ATG7: variants seen among roughly 807,000 people sequenced by gnomAD.
The protein encoded by ATG7 is autophagy related 7.
ATG7 carries 70 observed loss-of-function variants against 82.4 expected under a neutral mutation model. The ratio of observed to expected loss-of-function variants is 0.85; its 90% CI spans 0.70 to 1.04. The LOEUF is 1.04. Ranked by LOEUF, ATG7 falls within the 50% of genes least tolerant of loss-of-function variation. The probability of loss-of-function intolerance (pLI) is 0.00; values close to 1 mark genes in which losing one functional copy is unlikely to be tolerated. For synonymous variants in ATG7, 287 were observed against 313.0 expected, an observed-to-expected ratio of 0.92 and a Z score of 0.88; for missense variants, 792 against 864.3, an observed-to-expected ratio of 0.92 and a Z score of 1.05.
At chr3:11,306,426 C>T (rs1439934813) in intron 5 of ATG7, among the ~76,000 whole-genome samples, 2 of 152,110 alleles carry the variant, frequency 1.3e-5, no homozygotes, top group Admixed American at 6.5e-5. Context: ...GATAGCTTTC[C>T]GGAAGAGGAG....
intron 20 of ATG7, among the ~76,000 whole-genome samples, chr3:11,480,729 A>G (rs1574921726): frequency 6.6e-6 from 1 of 152,226 alleles, no homozygotes; most frequent in African/African-American, 2.4e-5. Flanking sequence ...CAGGCTTCTC[A>G]GTGAATTTCC....
chr3:11,429,236 C>T (rs1428521982), intron 20 of ATG7, among the ~76,000 whole-genome samples: 1 of 152,142 alleles, frequency 6.6e-6, no homozygotes, highest in Admixed American at 6.5e-5. Context: ...TGGCTCACAG[C>T]TGTAATCCTA....
At chr3:11,362,001 G>C (rs1020992396) in intron 16 of ATG7, among the ~76,000 whole-genome samples, 1 of 152,130 alleles carries the variant, frequency 6.6e-6, no homozygotes, top group African/African-American at 2.4e-5. Context: ...CCAATATAAA[G>C]AAAAGAAGAT....
At chr3:11,411,083 G>A (rs567068829) in intron 19 of ATG7, among the ~76,000 whole-genome samples, 8 of 152,034 alleles carry the variant, frequency 5.3e-5, no homozygotes, top group Admixed American at 2.6e-4. Context: ...TTTTTTTATC[G>A]TCACATGCTC....
chr3:11,567,124 C>T, the ATG7 span, among the ~76,000 whole-genome samples: 2 of 152,138 alleles, frequency 1.3e-5, no homozygotes, highest in Non-Finnish European at 1.5e-5. Context: ...TGTCATTCTG[C>T]GCCATCTCCA....
At chr3:11,515,729 C>T (rs2092258747) in intron 20 of ATG7, among the ~76,000 whole-genome samples, 1 of 152,164 alleles carries the variant, frequency 6.6e-6, no homozygotes, top group African/African-American at 2.4e-5. Context: ...TCAGTTTTAT[C>T]ACATGTGAAT....
At chr3:11,564,583 T>C in the ATG7 span, among the ~76,000 whole-genome samples, 1 of 151,776 alleles carries the variant, frequency 6.6e-6, no homozygotes, top group Non-Finnish European at 1.5e-5. Flanking sequence ...CGGGCAGGTC[T>C]GGGCAGGAAG....
intron 19 of ATG7, among the ~76,000 whole-genome samples, chr3:11,382,307 G>A (rs1238311454): frequency 1.3e-5 from 2 of 152,098 alleles, no homozygotes; most frequent in African/African-American, 2.4e-5. Context: ...GTGCGAGCAC[G>A]CACGCACGCG....
intron 7 of ATG7, 151 bp from the exon 8 acceptor site, chr3:11,313,153 C>A: frequency 2.1e-6 from 1 of 481,288 alleles, no homozygotes; most frequent in South Asian, 4.1e-5. Context: ...ATCATGAGTT[C>A]TGTTGGGGAT....
chr3:11,433,371 A>G (rs1222272855), intron 20 of ATG7, among the ~76,000 whole-genome samples: 1 of 151,122 alleles, frequency 6.6e-6, no homozygotes, highest in Non-Finnish European at 1.5e-5. Context: ...CACCTTAGCC[A>G]TGTTCCACAA....
chr3:11,276,160 C>T (rs1351789341), intron 1 of ATG7, among the ~76,000 whole-genome samples: 1 of 152,198 alleles, frequency 6.6e-6, no homozygotes. Flanking sequence ...TCTCCTCAAC[C>T]TCCTACCTTG....
intron 9 of ATG7, among the ~76,000 whole-genome samples, chr3:11,318,827 G>A (rs969077936): frequency 3.3e-5 from 5 of 152,112 alleles, no homozygotes; most frequent in African/African-American, 1.2e-4. Flanking sequence ...TCTCCCTTCT[G>A]TCACCTGGCT....
chr3:11,381,232 G>C (rs1310469056), intron 19 of ATG7, among the ~76,000 whole-genome samples: 1 of 152,158 alleles, frequency 6.6e-6, no homozygotes, highest in Non-Finnish European at 1.5e-5. Flanking sequence ...CCTCAAGGAT[G>C]TCTGCATGCA....
chr3:11,320,747 T>C (rs1950109864), intron 9 of ATG7, among the ~76,000 whole-genome samples: 1 of 152,238 alleles, frequency 6.6e-6, no homozygotes, highest in South Asian at 2.1e-4. Context: ...GAAGGATGAA[T>C]TCATGCATAA....
At chr3:11,340,595 G>T in intron 11 of ATG7, 50 bp from the exon 12 acceptor site, 1 of 1,527,722 alleles carries the variant, frequency 6.5e-7, no homozygotes, top group Non-Finnish European at 9.0e-7. Context: ...TGATCTGCTT[G>T]TTTTTATTCT....
At chr3:11,570,935 G>A in the ATG7 span, among the ~76,000 whole-genome samples, 1 of 152,196 alleles carries the variant, frequency 6.6e-6, no homozygotes, top group Non-Finnish European at 1.5e-5. Flanking sequence ...GTGCCTGGGT[G>A]TGTCCCCAAG....
intron 20 of ATG7, among the ~76,000 whole-genome samples, chr3:11,506,772 T>C (rs2091757451): frequency 6.6e-6 from 1 of 151,794 alleles, no homozygotes. Context: ...AATGCTTCCA[T>C]CATCACAGAA....
At chr3:11,347,783 C>A in intron 13 of ATG7, 94 bp from the exon 14 acceptor site, 1 of 1,349,338 alleles carries the variant, frequency 7.4e-7, no homozygotes, top group Non-Finnish European at 9.8e-7. Context: ...GGTTCCCAAG[C>A]TTCTCCAAAC....
intron 5 of ATG7, among the ~76,000 whole-genome samples, chr3:11,303,420 A>G (rs375038448): frequency 1.1e-4 from 16 of 152,212 alleles, no homozygotes; most frequent in African/African-American, 3.6e-4. Context: ...CTGTAATCCC[A>G]GCACTTTGGG....
Sources: allele counts gnomAD v4.1 joint callset (sites outside exome capture counted in the v4.1 genomes callset), GRCh38; gene constraint gnomAD v4.1.1; transcripts MANE v1.5; gene names NCBI Gene and HGNC (gene_info 2026-07-23, HGNC 2026-07-21).